Variants in GAPVD1 observed in about 807,000 individuals in gnomAD.
GAPVD1 encodes the protein GTPase activating protein and VPS9 domains 1, also known as GTPase-activating protein and VPS9 domain-containing protein 1.
In GAPVD1, 35 loss-of-function variants were observed where a neutral mutation model predicts 155.5. The ratio of observed to expected loss-of-function variants is 0.23; its 90% CI spans 0.17 to 0.30. GAPVD1 has a LOEUF of 0.30. Ranked by LOEUF, GAPVD1 falls within the 10% of genes least tolerant of loss-of-function variation. GAPVD1 has a pLI of 1.00. For synonymous variants in GAPVD1, 636 were observed against 619.7 expected (o/e 1.03, Z -0.39); for missense variants, 1,429 against 1,775.7 (o/e 0.80, Z 3.51).
At chr9:125,357,898 C>A (rs893476415) in intron 25 of GAPVD1, among the ~76,000 whole-genome samples, 1 of 150,582 alleles carries the variant, frequency 6.6e-6, no homozygotes, top group South Asian at 2.1e-4. Flanking sequence ...TTGCTTGAAC[C>A]CAGGAGGCAG....
intron 17 of GAPVD1, among the ~76,000 whole-genome samples, chr9:125,339,819 C>T (rs2132059822): frequency 6.6e-6 from 1 of 152,362 alleles, no homozygotes; most frequent in Non-Finnish European, 1.5e-5. Context: ...TTTATTCCAT[C>T]AGTTCTCCTG....
chr9:125,265,356 G>A (rs1458480942), intron 1 of GAPVD1, among the ~76,000 whole-genome samples: 4 of 151,720 alleles, frequency 2.6e-5, no homozygotes, highest in Non-Finnish European at 5.9e-5. Context: ...TCCTGCCTCA[G>A]CCTTACCAAG....
At chr9:125,329,069 A>G (rs7852776) in intron 12 of GAPVD1, among the ~76,000 whole-genome samples, 43 of 151,288 alleles carry the variant, frequency 2.8e-4, no homozygotes, top group African/African-American at 8.0e-4. Flanking sequence ...CCAAGATGGC[A>G]GCAGTACAGT....
chr9:125,322,900 C>A (rs761948256), intron 10 of GAPVD1, among the ~76,000 whole-genome samples: 8 of 151,616 alleles, frequency 5.3e-5, no homozygotes, highest in Non-Finnish European at 8.8e-5. Flanking sequence ...TAAAATACAA[C>A]AAATTAGCTG....
At chr9:125,351,329 G>A (rs532631379) in intron 23 of GAPVD1, among the ~76,000 whole-genome samples, 2 of 152,286 alleles carry the variant, frequency 1.3e-5, no homozygotes, top group East Asian at 3.9e-4. Context: ...TTCGGGTGGG[G>A]ACACAGCCAA....
At chr9:125,264,726 T>C (rs1833547839) in intron 1 of GAPVD1, among the ~76,000 whole-genome samples, 1 of 151,784 alleles carries the variant, frequency 6.6e-6, no homozygotes, top group South Asian at 2.1e-4. Context: ...GGATTTTTTT[T>C]TTTTTTTTCT....
chr9:125,341,018 G>A (rs1458280090), intron 17 of GAPVD1, among the ~76,000 whole-genome samples, 159 bp from the exon 18 acceptor site: 1 of 152,192 alleles, frequency 6.6e-6, no homozygotes, highest in African/African-American at 2.4e-5. Context: ...CAGGGAAGTC[G>A]AGGCTGCAGT....
intron 2 of GAPVD1, among the ~76,000 whole-genome samples, chr9:125,292,193 C>T (rs1185294386): frequency 2.0e-5 from 3 of 151,990 alleles, no homozygotes; most frequent in Non-Finnish European, 4.4e-5. Context: ...GCCATGATAC[C>T]GCCACTGCAC....
intron 2 of GAPVD1, among the ~76,000 whole-genome samples, chr9:125,281,162 C>G (rs1364058182): frequency 6.6e-6 from 1 of 152,030 alleles, no homozygotes; most frequent in African/African-American, 2.4e-5. Context: ...GGAGCCGTTC[C>G]CTTTTCTAGG....
chr9:125,343,194 C>CT lies in GAPVD1; in HGVS notation c.3046+910dup, dbSNP rs775104266. On this transcript the variant is annotated intron_variant, in intron 19 of 27. Coordinates refer to ENST00000297933, the MANE Select transcript of GAPVD1 (RefSeq NM_001282680.3). ...ACAGTATGAGATTTATGCAGGAACC[C>CT]TTTTTTTTTTTTTTTAAGCTCATCA... Among the ~76,000 whole-genome samples the CT allele has an allele frequency of 4.0e-3, 563 of 141,952 alleles. 4 individuals carry two copies. The highest frequency in any genetic ancestry group is 0.036 in the Middle Eastern group (10 of 280). The allele number at this position is 141,952 out of a possible 152,430, so 93.1% of individuals were successfully genotyped here. A position where few individuals can be genotyped will look rare whatever the true frequency, so the allele number is the denominator to read the frequency against.
intron 11 of GAPVD1, among the ~76,000 whole-genome samples, chr9:125,325,224 GA>G (rs376467108): frequency 0.015 from 1,893 of 130,300 alleles, 22 homozygotes; most frequent in Non-Finnish European, 0.02. Flanking sequence ...GACTCTGATT[GA>G]AAAAAAAAAA....
Position 125,271,016 on chromosome 9 carries a change from T to G in GAPVD1, c.-150+2032T>G, listed in dbSNP as rs140670934. Among the ~76,000 whole-genome samples the G allele has an allele frequency of 5.6e-3, 852 of 152,320 alleles. 6 individuals carry two copies. Among genetic ancestry groups the G allele is most frequent in the African/African-American group, 0.02 (826 of 41,580 alleles). On this transcript the variant is annotated intron_variant, in intron 2 of 27. Transcript: ENST00000297933. ...TACATAGGGGTTTCTATAAATTTTTTTTTTTGAGTTTGAAGATGAACCAGA... is the reference window on the plus strand; with the variant it reads ...TACATAGGGGTTTCTATAAATTTTTGTTTTTGAGTTTGAAGATGAACCAGA...
chr9:125,298,759 A>T, intron 3 of GAPVD1, 131 bp from the exon 4 acceptor site: 1 of 511,794 alleles, frequency 2.0e-6, no homozygotes, highest in Non-Finnish European at 3.4e-6. Context: ...AAGTGCTGGG[A>T]TTATAGGCAT....
Position 125,337,413 on chromosome 9 carries a change from G to A in GAPVD1, c.2699G>A (p.Ser900Asn). 1 of 1,614,112 alleles carries A rather than the reference G, an allele frequency of 6.2e-7. No individual in the cohort carries two copies. The highest frequency in any genetic ancestry group is 8.5e-7 in the Non-Finnish European group (1 of 1,179,958). ...TCTTACCCTGAGAGACTAGTTCGAAGCAGGAGCTCTGATATAGTATCTTCT... is the reference window on the plus strand; with the variant it reads ...TCTTACCCTGAGAGACTAGTTCGAAACAGGAGCTCTGATATAGTATCTTCT... ...RHSYPERLVRSRSSDIVSSVR... is the reference protein window; with the variant it reads ...RHSYPERLVRNRSSDIVSSVR... Residue 900 changes from serine (S) to asparagine (N), a missense_variant, in exon 17 of 28, where the codon AGC becomes AAC. By Grantham distance (46) the Ser-to-Asn change is conservative. Coordinates refer to ENST00000297933, the MANE Select transcript of GAPVD1 (RefSeq NM_001282680.3).
chr9:125,305,891 G>A (rs1224438976), intron 6 of GAPVD1, among the ~76,000 whole-genome samples: 3 of 152,118 alleles, frequency 2.0e-5, no homozygotes, highest in South Asian at 2.1e-4. Flanking sequence ...GGCCTCAAGT[G>A]ATCCTCCTGC....
chr9:125,293,998 C>T (rs1180920997), intron 2 of GAPVD1, among the ~76,000 whole-genome samples: 5 of 147,104 alleles, frequency 3.4e-5, no homozygotes, highest in Non-Finnish European at 6.0e-5. Flanking sequence ...CTGCAACCTC[C>T]GCCTCCTGGC....
intron 24 of GAPVD1, among the ~76,000 whole-genome samples, chr9:125,355,213 T>TTC (rs60403685): frequency 6.6e-6 from 1 of 151,932 alleles, no homozygotes; most frequent in African/African-American, 2.4e-5. Flanking sequence ...GTCTCCCTGG[T>TTC]AGCTGCCTCA....
intron 2 of GAPVD1, among the ~76,000 whole-genome samples, chr9:125,280,472 C>T (rs1836609937): frequency 6.6e-6 from 1 of 150,994 alleles, no homozygotes; most frequent in African/African-American, 2.4e-5. Flanking sequence ...TAGCACCTGG[C>T]AGGCCTGAAA....
intron 1 of GAPVD1, among the ~76,000 whole-genome samples, chr9:125,268,522 C>T (rs1361136233): frequency 8.7e-6 from 1 of 114,528 alleles, no homozygotes; most frequent in Non-Finnish European, 1.7e-5. Context: ...TTTTTCGAGA[C>T]AAGGTCTTGG....
Sources: gnomAD v4.1 joint callset for allele counts (sites outside exome capture counted in the v4.1 genomes callset) on GRCh38, gnomAD v4.1.1 for gene constraint, MANE v1.5 for transcripts, NCBI Gene and HGNC (gene_info 2026-07-23, HGNC 2026-07-21) for gene names.